The following CNTNAP4 variants were observed in gnomAD, a reference collection of about 807,000 sequenced individuals.
The protein encoded by CNTNAP4 is contactin-associated protein-like 4.
In CNTNAP4, 98 loss-of-function variants were observed where a neutral mutation model predicts 148.4. The ratio of observed to expected loss-of-function variants is 0.66; its 90% CI spans 0.56 to 0.78. CNTNAP4 has a LOEUF of 0.78. CNTNAP4 is among the 30% of genes least tolerant of loss of function. The probability of loss-of-function intolerance (pLI) is 0.00; values close to 1 mark genes in which losing one functional copy is unlikely to be tolerated. For missense variants in CNTNAP4, 1,935 were observed against 1,565.6 expected, an observed-to-expected ratio of 1.24 and a Z score of -3.98; for synonymous variants, 730 against 565.1, an observed-to-expected ratio of 1.29 and a Z score of -4.14.
intron 4 of CNTNAP4, among the ~76,000 whole-genome samples, chr16:76,441,741 A>G (rs1568182622): frequency 6.6e-6 from 1 of 152,114 alleles, no homozygotes; most frequent in Non-Finnish European, 1.5e-5. Flanking sequence ...AAATACACCA[A>G]ATGTACTTAT....
intron 8 of CNTNAP4, among the ~76,000 whole-genome samples, chr16:76,456,614 A>G (rs1367364379): frequency 3.2e-5 from 4 of 125,040 alleles, no homozygotes; most frequent in African/African-American, 8.3e-5. Context: ...GTTATTGTTG[A>G]TGTTCAACAG....
chr16:76,396,691 C>T (rs1295031227), intron 3 of CNTNAP4, among the ~76,000 whole-genome samples: 1 of 152,158 alleles, frequency 6.6e-6, no homozygotes, highest in Non-Finnish European at 1.5e-5. Flanking sequence ...GAGCTGCTCC[C>T]ATCTTTGTCA....
intron 1 of CNTNAP4, among the ~76,000 whole-genome samples, chr16:76,297,269 C>G (rs1453532593): frequency 1.3e-5 from 2 of 152,164 alleles, no homozygotes; most frequent in African/African-American, 4.8e-5. Flanking sequence ...TTGCTTGAAA[C>G]CAATACACAT....
intron 3 of CNTNAP4, among the ~76,000 whole-genome samples, chr16:76,398,806 A>G (rs1036514743): frequency 6.6e-6 from 1 of 152,098 alleles, no homozygotes; most frequent in Non-Finnish European, 1.5e-5. Flanking sequence ...GTGCATATAT[A>G]TTTGTATATA....
intron 3 of CNTNAP4, among the ~76,000 whole-genome samples, chr16:76,369,457 G>T (rs985660829): frequency 1.3e-5 from 2 of 152,184 alleles, no homozygotes; most frequent in African/African-American, 2.4e-5. Flanking sequence ...AGGATAACCA[G>T]GAAAGCTGGT....
At chr16:76,488,490 T>C (rs2082101810) in intron 12 of CNTNAP4, among the ~76,000 whole-genome samples, 1 of 152,166 alleles carries the variant, frequency 6.6e-6, no homozygotes, top group Non-Finnish European at 1.5e-5. Context: ...CAAACTCTGA[T>C]GACTGGGAAA....
In CNTNAP4 at chr16:76,403,089, G is replaced by GTT. The variant is rs1194979868; in HGVS notation, c.391-24360_391-24359dup. On this transcript the variant is annotated intron_variant, in intron 3 of 23. Transcript: ENST00000611870. Reference sequence around the variant, plus strand: ...ACATGAACACTGTTGTTGTTGTTGGGTTTTATTTTTTTTTTTTTTTTGAGA... The same window carrying GTT: ...ACATGAACACTGTTGTTGTTGTTGGGTTTTTTATTTTTTTTTTTTTTTTGAGA... 2.3e-3 allele frequency among the ~76,000 whole-genome samples: 343 copies of GTT among 148,586 alleles called. 2 individuals carry two copies. Among genetic ancestry groups the GTT allele is most frequent in the African/African-American group, 8.6e-3 (331 of 38,540 alleles).
chr16:76,443,471 A>G (rs2080121266), intron 4 of CNTNAP4, among the ~76,000 whole-genome samples: 2 of 152,118 alleles, frequency 1.3e-5, no homozygotes, highest in African/African-American at 4.8e-5. Context: ...TGTAGTCTCA[A>G]CTACTTGGAA....
rs1183300172 is a variant in CNTNAP4 at position 76,427,849 on chromosome 16, TG to T, written c.538+251del. ...ATACATATTTACTGATACATGGGAA[TG>T]TATTTCTTCAAATAGAATATTATTG... On this transcript the variant is annotated intron_variant, in intron 4 of 23. Transcript: ENST00000611870. Among the ~76,000 whole-genome samples the T allele has an allele frequency of 9.2e-5, 14 of 152,312 alleles. No homozygotes were observed. In the East Asian group the frequency reaches 2.5e-3, roughly 27 times the overall value.
chr16:76,485,470 T>C (rs1394258729), intron 12 of CNTNAP4, among the ~76,000 whole-genome samples: 1 of 152,228 alleles, frequency 6.6e-6, no homozygotes, highest in East Asian at 1.9e-4. Flanking sequence ...TTTCTTGTTA[T>C]CAAATATTGC....
chr16:76,429,262 T>C (rs1332419287), intron 4 of CNTNAP4, among the ~76,000 whole-genome samples: 1 of 152,176 alleles, frequency 6.6e-6, no homozygotes, highest in Non-Finnish European at 1.5e-5. Flanking sequence ...TATTTGTCTT[T>C]GGATCGTAGA....
intron 1 of CNTNAP4, among the ~76,000 whole-genome samples, chr16:76,286,975 T>A (rs541948659): frequency 6.6e-6 from 1 of 152,230 alleles, no homozygotes; most frequent in Admixed American, 6.5e-5. Flanking sequence ...TTTTGTTTCA[T>A]AGTGTGTATG....
At chr16:76,308,285 T>C (rs1960712154) in intron 1 of CNTNAP4, among the ~76,000 whole-genome samples, 1 of 152,230 alleles carries the variant, frequency 6.6e-6, no homozygotes, top group Non-Finnish European at 1.5e-5. Flanking sequence ...TCTACACTCG[T>C]GGCATTTAAT....
chr16:76,512,791 C>T (rs918280782), intron 15 of CNTNAP4, among the ~76,000 whole-genome samples: 2 of 152,120 alleles, frequency 1.3e-5, no homozygotes, highest in African/African-American at 2.4e-5. Context: ...GAGAATATAT[C>T]ACCTATGAGA....
intron 15 of CNTNAP4, among the ~76,000 whole-genome samples, chr16:76,503,347 G>A (rs1223914497): frequency 6.6e-6 from 1 of 152,088 alleles, no homozygotes; most frequent in African/African-American, 2.4e-5. Flanking sequence ...AAATCAGGTT[G>A]CCATTAAAAG....
In CNTNAP4 at chr16:76,432,318, A is replaced by G. The variant is rs534707737; in HGVS notation, c.538+4719A>G. On this transcript the variant is annotated intron_variant, in intron 4 of 23. Coordinates refer to ENST00000611870, the MANE Select transcript of CNTNAP4 (RefSeq NM_033401.5). ...GTTTACCCCAACAAGTTAGGGCAGT[A>G]ACTTGTTATGAAGGAACATCAAGTG... is the stretch of plus-strand genomic sequence containing the variant. Among the ~76,000 whole-genome samples the G allele has an allele frequency of 3.8e-4, 58 of 152,306 alleles. 1 individual carries two copies. In the South Asian group the frequency reaches 9.7e-3, roughly 26 times the overall value.
At chr16:76,383,053 G>C (rs2016148024) in intron 3 of CNTNAP4, among the ~76,000 whole-genome samples, 1 of 150,996 alleles carries the variant, frequency 6.6e-6, no homozygotes, top group South Asian at 2.1e-4. Context: ...AGATGCCAGA[G>C]AATCAACTCA....
intron 2 of CNTNAP4, among the ~76,000 whole-genome samples, chr16:76,337,900 G>C (rs1203375783): frequency 3.3e-5 from 5 of 152,186 alleles, no homozygotes; most frequent in Admixed American, 6.5e-5. Flanking sequence ...GACCCCGCAG[G>C]CAGTCAGACC....
At chr16:76,472,365 C>G (rs2081407188) in intron 10 of CNTNAP4, among the ~76,000 whole-genome samples, 1 of 151,916 alleles carries the variant, frequency 6.6e-6, no homozygotes, top group Non-Finnish European at 1.5e-5. Flanking sequence ...GAAAAATTGA[C>G]TCAGTTGGTC....
Sources: gnomAD v4.1 joint callset for allele counts (sites outside exome capture counted in the v4.1 genomes callset) on GRCh38, gnomAD v4.1.1 for gene constraint, MANE v1.5 for transcripts, NCBI Gene and HGNC (gene_info 2026-07-23, HGNC 2026-07-21) for gene names.